The following GALNTL6 variants were observed in gnomAD, a reference collection of about 807,000 sequenced individuals.
The protein encoded by GALNTL6 is polypeptide N-acetylgalactosaminyltransferase like 6.
A neutral mutation model predicts 73.7 loss-of-function variants in GALNTL6; 46 were observed. That is an observed-to-expected ratio of 0.62 (90% confidence interval 0.49 to 0.80). The LOEUF is 0.80. GALNTL6 is among the 30% of genes least tolerant of loss of function. The pLI, the probability that GALNTL6 is intolerant of heterozygous loss-of-function variation, is 0.00. For synonymous variants in GALNTL6, 259 were observed against 263.7 expected (o/e 0.98, Z 0.17); for missense variants, 604 against 755.0 (o/e 0.80, Z 2.34).
At chr4:171,855,632 G>A (rs569980621) in intron 2 of GALNTL6, among the ~76,000 whole-genome samples, 8 of 152,264 alleles carry the variant, frequency 5.3e-5, no homozygotes, top group African/African-American at 1.7e-4. Context: ...TAAATATCAA[G>A]GAACATAATT....
At chr4:172,487,654 C>T (rs985451637) in intron 5 of GALNTL6, among the ~76,000 whole-genome samples, 1 of 152,048 alleles carries the variant, frequency 6.6e-6, no homozygotes, top group Non-Finnish European at 1.5e-5. Flanking sequence ...TCCCAAAGTG[C>T]TGGGATTACA....
intron 10 of GALNTL6, among the ~76,000 whole-genome samples, chr4:172,974,406 A>G (rs567732895): frequency 2.3e-4 from 35 of 152,192 alleles, no homozygotes; most frequent in Non-Finnish European, 4.4e-4. Context: ...TCTCACCAAT[A>G]AATAAAATAA....
At chr4:172,588,510 C>T (rs1737509632) in intron 5 of GALNTL6, among the ~76,000 whole-genome samples, 2 of 151,224 alleles carry the variant, frequency 1.3e-5, no homozygotes, top group African/African-American at 2.4e-5. Flanking sequence ...GCAGGAATCA[C>T]CTGAGCCCGG....
intron 5 of GALNTL6, among the ~76,000 whole-genome samples, chr4:172,482,982 T>A (rs973928009): frequency 1.2e-4 from 17 of 145,200 alleles, no homozygotes; most frequent in African/African-American, 4.0e-4. Context: ...TTAAGTACAA[T>A]TTCGTAGGAT....
chr4:172,551,254 A>G (rs1579180510), intron 5 of GALNTL6, among the ~76,000 whole-genome samples: 1 of 152,328 alleles, frequency 6.6e-6, no homozygotes, highest in South Asian at 2.1e-4. Context: ...AATTGAAATT[A>G]TAAATACTCA....
At chr4:172,458,674 GA>G (rs1201853506) in intron 5 of GALNTL6, among the ~76,000 whole-genome samples, 1 of 152,114 alleles carries the variant, frequency 6.6e-6, no homozygotes, top group Admixed American at 6.6e-5. Context: ...AAACCAAGAT[GA>G]AGCCAAATCC....
In GALNTL6 at chr4:172,643,426, A is replaced by G. The variant is rs183822961; in HGVS notation, c.554-165935A>G. Reference sequence around the variant, plus strand: ...TTTATTAAGGAATAAATACAGACATAAAAGTGTACAAATCATGCATTCCTT... The same window carrying G: ...TTTATTAAGGAATAAATACAGACATGAAAGTGTACAAATCATGCATTCCTT... On this transcript the variant is annotated intron_variant, in intron 5 of 12. Transcript: ENST00000506823. Among the ~76,000 whole-genome samples, 92 of 152,110 alleles carry G rather than the reference A, an allele frequency of 6.0e-4. 1 individual carries two copies. The South Asian group carries it at 0.016, about 26-fold the overall frequency.
chr4:171,844,232 A>G (rs926675112), intron 2 of GALNTL6, among the ~76,000 whole-genome samples: 1 of 152,062 alleles, frequency 6.6e-6, no homozygotes, highest in Non-Finnish European at 1.5e-5. Context: ...GATTTGGAGG[A>G]TGAAACTCAG....
rs188893646 is a variant in GALNTL6 at position 172,248,495 on chromosome 4, T to G, written c.247+18731T>G. Among the ~76,000 whole-genome samples the G allele has an allele frequency of 3.7e-3, 561 of 152,282 alleles. 6 individuals are homozygous for G. The highest frequency in any genetic ancestry group is 0.013 in the African/African-American group (541 of 41,570). ...CTGTCTAGAACAGTCACCAGTAGGT[T>G]TCATTTATCACAGGGAGGTAAAGTC... is the stretch of plus-strand genomic sequence containing the variant. On this transcript the variant is annotated intron_variant, in intron 3 of 12. Coordinates refer to ENST00000506823, the MANE Select transcript of GALNTL6 (RefSeq NM_001034845.3).
At chr4:172,325,454 A>C (rs1175739068) in intron 4 of GALNTL6, among the ~76,000 whole-genome samples, 1 of 151,980 alleles carries the variant, frequency 6.6e-6, no homozygotes, top group Non-Finnish European at 1.5e-5. Flanking sequence ...GATTGAAAAC[A>C]CTGGAAAAAA....
At chr4:172,801,463 G>A (rs1456129597) in intron 5 of GALNTL6, among the ~76,000 whole-genome samples, 1 of 152,032 alleles carries the variant, frequency 6.6e-6, no homozygotes, top group Non-Finnish European at 1.5e-5. Flanking sequence ...TATGCATGGT[G>A]GCACCAATAA....
intron 2 of GALNTL6, among the ~76,000 whole-genome samples, chr4:171,971,720 T>A (rs1204101372): frequency 2.0e-5 from 3 of 152,188 alleles, no homozygotes; most frequent in East Asian, 3.8e-4. Flanking sequence ...AGTCCTATAT[T>A]TGAATATTAT....
At chr4:172,388,031 G>T (rs1452562734) in intron 5 of GALNTL6, among the ~76,000 whole-genome samples, 3 of 152,054 alleles carry the variant, frequency 2.0e-5, no homozygotes, top group African/African-American at 7.2e-5. Flanking sequence ...TTACTCACTT[G>T]CATGTTGGAT....
intron 2 of GALNTL6, among the ~76,000 whole-genome samples, chr4:171,834,677 C>T (rs924418230): frequency 1.3e-5 from 2 of 151,938 alleles, no homozygotes; most frequent in African/African-American, 4.8e-5. Flanking sequence ...AACACTAGTG[C>T]TTGAAAAGTG....
chr4:172,377,175 A>T (rs1055398943), intron 5 of GALNTL6, among the ~76,000 whole-genome samples: 1 of 152,112 alleles, frequency 6.6e-6, no homozygotes, highest in Admixed American at 6.5e-5. Context: ...GGTCCATTTT[A>T]CAGAGAGCTA....
At chr4:172,340,963 T>A (rs1184423833) in intron 4 of GALNTL6, among the ~76,000 whole-genome samples, 2 of 152,176 alleles carry the variant, frequency 1.3e-5, no homozygotes, top group Non-Finnish European at 2.9e-5. Flanking sequence ...GAGTGCTCTA[T>A]CTTGCAAACT....
chr4:172,882,924 T>A lies in GALNTL6; in HGVS notation c.1041+17T>A, dbSNP rs925889951. ...TCTTTTAAGGTAAGCCCCAAGACCC[T>A]CTTCACACTATATCTGTATAATTTT... is the stretch of plus-strand genomic sequence containing the variant. On this transcript the variant is annotated intron_variant, in intron 8 of 12. Coordinates refer to ENST00000506823, the MANE Select transcript of GALNTL6 (RefSeq NM_001034845.3). 8.1e-7 allele frequency: 1 copy of A among 1,239,384 alleles called. No homozygotes were observed. Among genetic ancestry groups the A allele is most frequent in the Non-Finnish European group, 1.2e-6 (1 of 842,804 alleles). The allele number at this position is 1,239,384 out of a possible 1,614,324, so 76.8% of individuals were successfully genotyped here. A position where few individuals can be genotyped will look rare whatever the true frequency, so the allele number is the denominator to read the frequency against.
At chr4:172,039,845 A>G (rs1166454134) in intron 2 of GALNTL6, among the ~76,000 whole-genome samples, 1 of 152,152 alleles carries the variant, frequency 6.6e-6, no homozygotes, top group East Asian at 1.9e-4. Flanking sequence ...GATTGCCTCT[A>G]ATGTTAACAT....
At chr4:172,611,222 A>T (rs1222866249) in intron 5 of GALNTL6, among the ~76,000 whole-genome samples, 1 of 152,010 alleles carries the variant, frequency 6.6e-6, no homozygotes, top group Non-Finnish European at 1.5e-5. Flanking sequence ...TCTTGTCATT[A>T]TGATGTTAGC....
Sources: gnomAD v4.1 joint callset for allele counts (sites outside exome capture counted in the v4.1 genomes callset) on GRCh38, gnomAD v4.1.1 for gene constraint, MANE v1.5 for transcripts, NCBI Gene and HGNC (gene_info 2026-07-23, HGNC 2026-07-21) for gene names.